The following PRMT9 variants were observed in gnomAD, a reference collection of about 807,000 sequenced individuals.
The protein encoded by PRMT9 is protein arginine methyltransferase 9.
PRMT9 carries 59 observed loss-of-function variants against 83.2 expected under a neutral mutation model. That is an observed-to-expected ratio of 0.71 (90% CI 0.57 to 0.88). The LOEUF is 0.88. Among genes scored for constraint, PRMT9 ranks in the 40% least tolerant of loss-of-function variants. The pLI is 0.00. For missense variants in PRMT9, 947 were observed against 1,021.9 expected, an observed-to-expected ratio of 0.93 and a Z score of 1.00; for synonymous variants, 333 against 353.2, an observed-to-expected ratio of 0.94 and a Z score of 0.64.
chr4:147,654,147 C>T lies in PRMT9; in HGVS notation c.1750G>A (p.Val584Met), dbSNP rs371580166. The change falls in exon 9 of 12, where the codon GTG becomes ATG. Residue 584 changes from valine (V) to methionine (M), a missense_variant. Coordinates refer to ENST00000322396, the MANE Select transcript of PRMT9 (RefSeq NM_138364.4). The part of the protein sequence containing the change: ...TVQNILEPFY[V>M]LDVSEGFSVL... ...GAGAAGCCTTCGGACACATCTAACA[C>T]GTAGAAAGGTTCAAGGATGTTCTGT... 33 of 1,614,184 alleles carry T rather than the reference C, an allele frequency of 2.0e-5. No homozygotes were observed. The highest frequency in any genetic ancestry group is 6.7e-5 in the Admixed American group (4 of 60,004).
intron 10 of PRMT9, among the ~76,000 whole-genome samples, chr4:147,640,132 G>A (rs1232042577): frequency 8.0e-6 from 1 of 125,630 alleles, no homozygotes; most frequent in Non-Finnish European, 1.6e-5. Flanking sequence ...GAGTGCAGTA[G>A]TACAATCACA....
intron 8 of PRMT9, among the ~76,000 whole-genome samples, chr4:147,655,388 C>T (rs1734416710): frequency 6.6e-6 from 1 of 152,058 alleles, no homozygotes; most frequent in Non-Finnish European, 1.5e-5. Flanking sequence ...GTCTTGAACT[C>T]CTGGGCTCAA....
chr4:147,644,517 T>C (rs1310769705), intron 9 of PRMT9, among the ~76,000 whole-genome samples: 1 of 144,756 alleles, frequency 6.9e-6, no homozygotes, highest in Non-Finnish European at 1.5e-5. Flanking sequence ...CAGCTGTGTT[T>C]ATCAGGAACA....
At chr4:147,641,421 C>G (rs1308266964) in intron 10 of PRMT9, among the ~76,000 whole-genome samples, 1 of 152,130 alleles carries the variant, frequency 6.6e-6, no homozygotes, top group Admixed American at 6.5e-5. Flanking sequence ...GTGATTTGCT[C>G]CCTTATTTCT....
At chr4:147,676,493 A>G (rs1463863938) in intron 2 of PRMT9, among the ~76,000 whole-genome samples, 1 of 152,226 alleles carries the variant, frequency 6.6e-6, no homozygotes, top group Non-Finnish European at 1.5e-5. Flanking sequence ...AATTTGTAGA[A>G]AATGGATGCT....
chr4:147,667,276 T>C (rs1034335441), intron 6 of PRMT9, among the ~76,000 whole-genome samples: 5 of 152,186 alleles, frequency 3.3e-5, no homozygotes, highest in African/African-American at 1.2e-4. Flanking sequence ...TCCTACTTCT[T>C]AAAAGCAGAA....
At position 147,640,092 on chromosome 4, in the gene PRMT9, A is replaced by ATTTTTTTTTTT. The variant is rs1560962912; in HGVS notation, c.2200-1011_2200-1010insAAAAAAAAAAA. Reference sequence around the variant, plus strand: ...TTTTTTTTTTTTTTTTTTTTTTTTAATATAGGGTCTCACTCTGTTCCCCAG... The same window carrying ATTTTTTTTTTT: ...TTTTTTTTTTTTTTTTTTTTTTTTAATTTTTTTTTTTTATAGGGTCTCACTCTGTTCCCCAG... On this transcript the variant is annotated intron_variant, in intron 10 of 11. Coordinates refer to ENST00000322396, the MANE Select transcript of PRMT9 (RefSeq NM_138364.4). Among the ~76,000 whole-genome samples the ATTTTTTTTTTT allele has an allele frequency of 2.3e-4, 16 of 70,384 alleles. 5 individuals are homozygous for ATTTTTTTTTTT. Among genetic ancestry groups the ATTTTTTTTTTT allele is most frequent in the South Asian group, 9.9e-4 (2 of 2,020 alleles). The allele number at this position is 70,384 out of a possible 152,430, so 46.2% of individuals were successfully genotyped here.
At chr4:147,654,647 T>C (rs1051806211) in intron 8 of PRMT9, 81 bp from the exon 9 acceptor site, 18 of 859,284 alleles carry the variant, frequency 2.1e-5, no homozygotes, top group Non-Finnish European at 3.3e-5. Context: ...ATCCTCCATC[T>C]AGCCCCCCAT....
chr4:147,660,893 A>G lies in PRMT9; in HGVS notation c.1099T>C (p.Leu367=). Residue 367 remains leucine (L), a synonymous_variant, in exon 7 of 12, where the codon TTG becomes CTG. Coordinates refer to ENST00000322396, the MANE Select transcript of PRMT9 (RefSeq NM_138364.4). Reference sequence around the variant, plus strand: ...GTCATAATTTCAAAGCACTCTGTCAAAGCCAAATATCCTCCAGGAACTCGA... The same window carrying G: ...GTCATAATTTCAAAGCACTCTGTCAGAGCCAAATATCCTCCAGGAACTCGA... ...MSRVPGGYLA[L]TECFEIMTVD... is the part of the protein sequence containing the mutation. 6.2e-7 allele frequency: 1 copy of G among 1,613,952 alleles called. No individual in the cohort carries two copies. The highest frequency in any genetic ancestry group is 8.5e-7 in the Non-Finnish European group (1 of 1,179,876).
chr4:147,654,045 C>T lies in PRMT9; in HGVS notation c.1852G>A (p.Ala618Thr), dbSNP rs778218066. The T allele has an allele frequency of 3.1e-6, 5 of 1,614,202 alleles. No individual in the cohort carries two copies. The highest frequency in any genetic ancestry group is 4.2e-6 in the Non-Finnish European group (5 of 1,180,034). Residue 618 changes from alanine to threonine, a missense_variant, in exon 9 of 12, where the codon GCT (alanine) becomes ACT (threonine). Ala to Thr is a moderately conservative substitution (Grantham distance 58). Transcript: ENST00000322396. ...SSVEKDQHRIALDLISEANHF... is the reference protein window; with the variant it reads ...SSVEKDQHRITLDLISEANHF... ...TTGGCTTCAGATATGAGGTCCAGAG[C>T]AATACGATGCTGGTCTTTCTCCACA...
Position 147,683,999 on chromosome 4 carries a change from C to G in PRMT9, c.-12G>C, listed in dbSNP as rs1258915259. 4 of 1,612,226 alleles carry G rather than the reference C, an allele frequency of 2.5e-6. No individual in the cohort carries two copies. In the African/African-American group the frequency reaches 5.3e-5, roughly 21 times the overall value. Reference sequence around the variant, plus strand: ...CGCGAGTTCGACATGGCAGTCACCACTTGTATGGCCAAAGGGAAGATATTT... The same window carrying G: ...CGCGAGTTCGACATGGCAGTCACCAGTTGTATGGCCAAAGGGAAGATATTT... On this transcript the variant is annotated 5_prime_UTR_variant, in exon 1 of 12. Transcript: ENST00000322396.
rs1336489358 is a variant in PRMT9 at position 147,637,916 on chromosome 4, T to A, written c.*616A>T. 1 of 152,834 alleles carries A rather than the reference T, an allele frequency of 6.5e-6. No individual in the cohort carries two copies. The allele number at this position is 152,834 out of a possible 1,614,324, so 9.5% of individuals were successfully genotyped here. On this transcript the variant is annotated 3_prime_UTR_variant, in exon 12 of 12. Coordinates refer to ENST00000322396, the MANE Select transcript of PRMT9 (RefSeq NM_138364.4). ...ATTAAGTCTTCCTTCAATTTAACTT[T>A]GTTTTGTTACCAGCTTTTAAATGTT... is the stretch of plus-strand genomic sequence containing the variant.
chr4:147,675,805 T>C lies in PRMT9; in HGVS notation c.339-1931A>G, dbSNP rs144450693. Among the ~76,000 whole-genome samples, 12 of 152,346 alleles carry C rather than the reference T, an allele frequency of 7.9e-5. No individual in the cohort carries two copies. The East Asian group carries it at 2.3e-3, about 29-fold the overall frequency. On this transcript the variant is annotated intron_variant, in intron 2 of 11. Coordinates refer to ENST00000322396, the MANE Select transcript of PRMT9 (RefSeq NM_138364.4). The stretch of plus-strand genomic sequence containing the variant: ...CTAGGAAAAACATTATCTTCTTGAT[T>C]AGCAATTTAAATACATTTTGTTTAA...
rs1323865683 is a variant in PRMT9, at chr4:147,641,441, CTG to C, written c.2199+1344_2199+1345del. Among the ~76,000 whole-genome samples the C allele has an allele frequency of 2.6e-5, 4 of 152,290 alleles. No homozygotes were observed. In the East Asian group the frequency reaches 7.7e-4, roughly 29 times the overall value. ...TTGCTCCCTTATTTCTTTCAGGCCT[CTG>C]TTTATCACTTACCCATGAGTCCTTT... is the stretch of plus-strand genomic sequence containing the variant. On this transcript the variant is annotated intron_variant, in intron 10 of 11. Coordinates refer to ENST00000322396, the MANE Select transcript of PRMT9 (RefSeq NM_138364.4).
chr4:147,668,661 A>G lies in PRMT9; in HGVS notation c.847-16T>C, dbSNP rs140647720. On this transcript the variant is annotated splice_polypyrimidine_tract_variant and intron_variant, in intron 5 of 11. Coordinates refer to ENST00000322396, the MANE Select transcript of PRMT9 (RefSeq NM_138364.4). The stretch of plus-strand genomic sequence containing the variant: ...CACCTTTGGTCTAAAAAAAATAACA[A>G]TAAGAATTATGTTATCACATGTATG... 3.4e-4 allele frequency: 472 copies of G among 1,375,710 alleles called. 2 individuals carry two copies. The East Asian group carries it at 5.9e-3, about 17-fold the overall frequency. 85.2% of individuals were successfully genotyped at this position (1,375,710 alleles called of 1,614,324 possible). A position where few individuals can be genotyped will look rare whatever the true frequency, so the allele number is the denominator to read the frequency against.
chr4:147,681,798 C>A (rs948684972), intron 1 of PRMT9, among the ~76,000 whole-genome samples: 17 of 150,046 alleles, frequency 1.1e-4, no homozygotes, highest in African/African-American at 3.7e-4. Context: ...AAAAAAAAAA[C>A]CCCGCACAGA....
At chr4:147,667,948 TA>T (rs745693543) in intron 6 of PRMT9, among the ~76,000 whole-genome samples, 7 of 146,576 alleles carry the variant, frequency 4.8e-5, no homozygotes, top group Admixed American at 3.4e-4. Context: ...AATTTTCCAT[TA>T]AAAAAAAACT....
chr4:147,684,126 C>T lies in PRMT9; in HGVS notation c.-139G>A, dbSNP rs865880942. 6 of 1,008,922 alleles carry T rather than the reference C, an allele frequency of 5.9e-6. No individual in the cohort carries two copies. Among genetic ancestry groups the T allele is most frequent in the Non-Finnish European group, 7.4e-6 (5 of 672,586 alleles). The allele number at this position is 1,008,922 out of a possible 1,614,324, so 62.5% of individuals were successfully genotyped here. ...AGTTACCCTCCGCCGCGGGTGAACT[C>T]GCCAACCCCAGCCCAGGCGGAAGCT... On this transcript the variant is annotated 5_prime_UTR_variant, in exon 1 of 12. Coordinates refer to ENST00000322396, the MANE Select transcript of PRMT9 (RefSeq NM_138364.4).
In PRMT9 at chr4:147,654,317, A is replaced by G; in HGVS notation, c.1580T>C (p.Leu527Ser). 1 of 1,614,242 alleles carries G rather than the reference A, an allele frequency of 6.2e-7. No homozygotes were observed. The highest frequency in any genetic ancestry group is 8.5e-7 in the Non-Finnish European group (1 of 1,180,040). ...TTCATGATATGGGATGTTGTTAAGC[A>G]AAGCAATTTCTGTAGATTCCAATAT... ...TCILESTEIA[L>S]LNNIPYHEGF... The change falls in exon 9 of 12, where the codon TTG (leucine) becomes TCG (serine). Residue 527 changes from leucine (L) to serine (S), a missense_variant. Coordinates refer to ENST00000322396, the MANE Select transcript of PRMT9 (RefSeq NM_138364.4).
Sources: allele counts gnomAD v4.1 joint callset (sites outside exome capture counted in the v4.1 genomes callset), GRCh38; gene constraint gnomAD v4.1.1; transcripts MANE v1.5; gene names NCBI Gene and HGNC (gene_info 2026-07-23, HGNC 2026-07-21).